The following COPG2 variants were observed in gnomAD, a reference collection of about 807,000 sequenced individuals.
COPG2 encodes the protein coatomer subunit gamma-2.
A neutral mutation model predicts 46.3 loss-of-function variants in COPG2; 37 were observed. That is an observed-to-expected ratio of 0.80 (90% CI 0.61 to 1.05). COPG2 has a LOEUF of 1.05. Among genes scored for constraint, COPG2 ranks in the 50% least tolerant of loss-of-function variants. The pLI is 0.00. For synonymous variants in COPG2, 159 were observed against 129.7 expected (o/e 1.23, Z -1.53); for missense variants, 427 against 387.8 (o/e 1.10, Z -0.85).
intron 3 of COPG2, among the ~76,000 whole-genome samples, chr7:130,665,431 A>G (rs1229544558): frequency 6.6e-6 from 1 of 152,168 alleles, no homozygotes; most frequent in Non-Finnish European, 1.5e-5. Flanking sequence ...CATAACCATG[A>G]GTTCTGAATC....
intron 5 of COPG2, among the ~76,000 whole-genome samples, chr7:130,635,465 C>T (rs1795318030): frequency 1.3e-5 from 2 of 151,988 alleles, no homozygotes; most frequent in Admixed American, 6.6e-5. Context: ...AGGAATTTAT[C>T]CATTTCTTCT....
At chr7:130,558,003 C>T (rs1025619085) in intron 12 of COPG2, among the ~76,000 whole-genome samples, 14 of 151,536 alleles carry the variant, frequency 9.2e-5, no homozygotes, top group South Asian at 4.2e-4. Context: ...CAAGTACATA[C>T]GCAACTTTTT....
intron 9 of COPG2, among the ~76,000 whole-genome samples, chr7:130,605,516 G>C (rs184378970): frequency 1.3e-5 from 2 of 152,324 alleles, no homozygotes; most frequent in East Asian, 3.9e-4. Flanking sequence ...TCAAAGTGCA[G>C]CTCAACACAC....
intron 4 of COPG2, 26 bp downstream of exon 4, chr7:130,662,941 C>T (rs368525711): frequency 2.1e-5 from 30 of 1,406,716 alleles, no homozygotes; most frequent in South Asian, 1.9e-4. Context: ...GGTTTTTCAT[C>T]GTAAAAAAAA....
At chr7:130,658,802 T>A (rs1795910218) in intron 4 of COPG2, among the ~76,000 whole-genome samples, 1 of 151,886 alleles carries the variant, frequency 6.6e-6, no homozygotes, top group Admixed American at 6.6e-5. Context: ...CACCTCAGCC[T>A]CCCAAGTAGC....
chr7:130,532,460 G>A (rs1799836994), intron 20 of COPG2, among the ~76,000 whole-genome samples: 1 of 152,270 alleles, frequency 6.6e-6, no homozygotes, highest in South Asian at 2.1e-4. Flanking sequence ...GGAGGAGGCA[G>A]GAGGAGGGTG....
At chr7:130,655,991 T>C (rs574212242) in intron 4 of COPG2, among the ~76,000 whole-genome samples, 1 of 152,310 alleles carries the variant, frequency 6.6e-6, no homozygotes, top group African/African-American at 2.4e-5. Context: ...ACAGTCTATA[T>C]GATTTCAATC....
rs904754232 is a variant in COPG2 at position 130,527,382 on chromosome 7, G to C, written c.2150-18723C>G. ...TAGGAAGTGTAGCTGGAACTGCAAA[G>C]TAATAAATGCTGGAAATGGCAGAGT... On this transcript the variant is annotated intron_variant, in intron 20 of 23. Coordinates refer to ENST00000425248, the MANE Select transcript of COPG2 (RefSeq NM_012133.6). 6.1e-5 allele frequency among the ~76,000 whole-genome samples: 9 copies of C among 147,636 alleles called. No homozygotes were observed. In the South Asian group the frequency reaches 1.9e-3, roughly 32 times the overall value.
chr7:130,524,375 G>A (rs1008559638), intron 20 of COPG2, among the ~76,000 whole-genome samples: 120 of 152,274 alleles, frequency 7.9e-4, no homozygotes, highest in African/African-American at 2.8e-3. Context: ...GGACAGTACC[G>A]TGCTATGCAG....
At chr7:130,616,336 T>C (rs1554452834) in intron 6 of COPG2, among the ~76,000 whole-genome samples, 1 of 152,190 alleles carries the variant, frequency 6.6e-6, no homozygotes, top group East Asian at 1.9e-4. Flanking sequence ...CTTCTGCATT[T>C]TAACAAAAAG....
chr7:130,518,353 G>A (rs2116343470), intron 20 of COPG2, among the ~76,000 whole-genome samples: 1 of 152,326 alleles, frequency 6.6e-6, no homozygotes, highest in South Asian at 2.1e-4. Flanking sequence ...AAAGGGTAGA[G>A]GGGGAAGATC....
Position 130,652,968 on chromosome 7 carries a change from AG to A in COPG2, c.244-21del. Reference sequence around the variant, plus strand: ...TGTTTGCTGAAAAATCATTTATAAAAGGTAACAGATTATTGATTAGGAAATG... The same window carrying A: ...TGTTTGCTGAAAAATCATTTATAAAAGTAACAGATTATTGATTAGGAAATG... On this transcript the variant is annotated intron_variant, in intron 4 of 23. Transcript: ENST00000425248. 6.7e-7 allele frequency: 1 copy of A among 1,502,564 alleles called. No individual in the cohort carries two copies. Among genetic ancestry groups the A allele is most frequent in the Non-Finnish European group, 9.2e-7 (1 of 1,088,698 alleles). 93.1% of individuals were successfully genotyped at this position (1,502,564 alleles called of 1,614,324 possible). A position where few individuals can be genotyped will look rare whatever the true frequency, so the allele number is the denominator to read the frequency against.
intron 5 of COPG2, among the ~76,000 whole-genome samples, chr7:130,641,411 G>A (rs987052695): frequency 1.3e-5 from 2 of 152,112 alleles, no homozygotes; most frequent in Admixed American, 6.5e-5. Flanking sequence ...CCAATATTTA[G>A]ATGACAGGCA....
chr7:130,561,271 C>T (rs1390674681), intron 11 of COPG2, 50 bp from the exon 12 acceptor site: 2 of 398,082 alleles, frequency 5.0e-6, no homozygotes, highest in African/African-American at 2.1e-5. Flanking sequence ...TTGATAAAGG[C>T]CAGAACTTAA....
In COPG2 at chr7:130,570,182, T is replaced by C. The variant is rs926115515; in HGVS notation, c.738-5789A>G. 4.9e-3 allele frequency among the ~76,000 whole-genome samples: 751 copies of C among 152,222 alleles called. 4 individuals carry two copies. The highest frequency in any genetic ancestry group is 0.017 in the African/African-American group (710 of 41,540). On this transcript the variant is annotated intron_variant, in intron 9 of 23. Coordinates refer to ENST00000425248, the MANE Select transcript of COPG2 (RefSeq NM_012133.6). Reference sequence around the variant, plus strand: ...CCACTTTCATCACTTCTATTCAACATAGTGCTGGAAGTCCTAGCCAGAGCA... The same window carrying C: ...CCACTTTCATCACTTCTATTCAACACAGTGCTGGAAGTCCTAGCCAGAGCA...
Position 130,658,559 on chromosome 7 carries a change from T to A in COPG2, c.243+4408A>T, listed in dbSNP as rs868967898. Among the ~76,000 whole-genome samples the A allele has an allele frequency of 5.9e-5, 9 of 151,558 alleles. No homozygotes were observed. In the South Asian group the frequency reaches 1.2e-3, roughly 21 times the overall value. ...TGTAAAACTACACTTAAAAAAAAAA[T>A]AATAGTCCAGTAAATGAAAAGGCAA... On this transcript the variant is annotated intron_variant, in intron 4 of 23. Transcript: ENST00000425248.
chr7:130,645,373 C>T (rs547602380), intron 5 of COPG2: 3 of 553,046 alleles, frequency 5.4e-6, no homozygotes, highest in South Asian at 2.8e-5. Context: ...GTATAGACAT[C>T]TGCCCTCCAG....
intron 7 of COPG2, among the ~76,000 whole-genome samples, chr7:130,612,639 C>T (rs1026891971): frequency 6.6e-6 from 1 of 152,174 alleles, no homozygotes; most frequent in Non-Finnish European, 1.5e-5. Flanking sequence ...GAATCAGGAA[C>T]TCTTGTATTT....
At chr7:130,511,969 C>G (rs1273995462) in intron 20 of COPG2, 1 of 447,078 alleles carries the variant, frequency 2.2e-6, no homozygotes, top group Non-Finnish European at 4.5e-6. Flanking sequence ...AATCCCAGCA[C>G]TTTGGGAGGC....
Sources: gnomAD v4.1 joint callset for allele counts (sites outside exome capture counted in the v4.1 genomes callset) on GRCh38, gnomAD v4.1.1 for gene constraint, MANE v1.5 for transcripts, NCBI Gene and HGNC (gene_info 2026-07-23, HGNC 2026-07-21) for gene names.